Variants in PPP1R16B observed in about 807,000 individuals in gnomAD.
The protein encoded by PPP1R16B is protein phosphatase 1 regulatory inhibitor subunit 16B.
Under a neutral mutation model 61.7 loss-of-function variants are expected in PPP1R16B, and 14 were observed. The observed-to-expected ratio is 0.23, with a 90% confidence interval of 0.15 to 0.35. The LOEUF (loss-of-function observed/expected upper bound fraction) is 0.35, where lower values mean the gene tolerates loss of function less well. PPP1R16B is among the 10% of genes least tolerant of loss of function. The pLI is 1.00. For synonymous variants in PPP1R16B, 266 were observed against 305.3 expected, an observed-to-expected ratio of 0.87 and a Z score of 1.34; for missense variants, 547 against 752.5, an observed-to-expected ratio of 0.73 and a Z score of 3.19.
At chr20:38,883,507 G>A (rs979008778) in intron 2 of PPP1R16B, among the ~76,000 whole-genome samples, 48 of 152,232 alleles carry the variant, frequency 3.2e-4, no homozygotes, top group Non-Finnish European at 5.9e-4. Context: ...AGGTGTAGGC[G>A]GAGCAGCGGG....
intron 2 of PPP1R16B, among the ~76,000 whole-genome samples, chr20:38,836,526 CA>C: frequency 1.3e-5 from 2 of 151,880 alleles, no homozygotes; most frequent in East Asian, 1.9e-4. Context: ...CTAATTAAAA[CA>C]AAAAAAATTT....
chr20:38,886,042 C>T lies in PPP1R16B; in HGVS notation c.251-3553C>T, dbSNP rs12624599. ...CCACATGCCTTGGCATCCCAAAGTG[C>T]TGGAATTACAGGCATGAGCCACCGT... On this transcript the variant is annotated intron_variant, in intron 2 of 10. Transcript: ENST00000299824. 5.8e-4 allele frequency among the ~76,000 whole-genome samples: 88 copies of T among 152,308 alleles called. No individual in the cohort carries two copies. The East Asian group carries it at 0.016, about 27-fold the overall frequency.
intron 10 of PPP1R16B, among the ~76,000 whole-genome samples, chr20:38,916,838 T>C (rs2145788376): frequency 1.3e-5 from 2 of 152,114 alleles, no homozygotes; most frequent in East Asian, 4.0e-4. Context: ...AACGTATTTG[T>C]CAGTGTGATA....
At chr20:38,818,670 G>T (rs374925893) in intron 1 of PPP1R16B, among the ~76,000 whole-genome samples, 1 of 152,072 alleles carries the variant, frequency 6.6e-6, no homozygotes, top group Non-Finnish European at 1.5e-5. Flanking sequence ...CATAGCAAAG[G>T]CTCAGTTAAC....
intron 2 of PPP1R16B, among the ~76,000 whole-genome samples, chr20:38,867,913 T>A (rs1054815292): frequency 5.9e-5 from 9 of 152,210 alleles, no homozygotes; most frequent in African/African-American, 2.2e-4. Context: ...CCTCAGGTGA[T>A]CCGCCCATCT....
chr20:38,890,801 G>C (rs2085286734), intron 3 of PPP1R16B, among the ~76,000 whole-genome samples: 1 of 152,234 alleles, frequency 6.6e-6, no homozygotes, highest in Admixed American at 6.5e-5. Flanking sequence ...ACTTGAGTGA[G>C]AGGCCAGGCA....
intron 2 of PPP1R16B, among the ~76,000 whole-genome samples, chr20:38,868,470 T>C (rs1053998162): frequency 6.6e-6 from 1 of 151,872 alleles, no homozygotes; most frequent in African/African-American, 2.4e-5. Context: ...CTGCAATCTC[T>C]GTCTCCTGGG....
intron 2 of PPP1R16B, among the ~76,000 whole-genome samples, chr20:38,844,691 A>T (rs2084926697): frequency 6.6e-6 from 1 of 152,218 alleles, no homozygotes; most frequent in Non-Finnish European, 1.5e-5. Flanking sequence ...TTGATTGCAC[A>T]TACAAAACAA....
At chr20:38,895,362 C>A (rs376584312) in intron 3 of PPP1R16B, among the ~76,000 whole-genome samples, 67 of 150,762 alleles carry the variant, frequency 4.4e-4, no homozygotes, top group Non-Finnish European at 4.3e-4. Flanking sequence ...TTTTTACTCA[C>A]AAGGAGACTG....
At chr20:38,825,521 C>G (rs769481261) in intron 1 of PPP1R16B, among the ~76,000 whole-genome samples, 2 of 152,088 alleles carry the variant, frequency 1.3e-5, no homozygotes, top group Admixed American at 1.3e-4. Context: ...ATAGGGACTG[C>G]CCTCCTCTGC....
chr20:38,864,285 T>C (rs1432030444), intron 2 of PPP1R16B, among the ~76,000 whole-genome samples: 2 of 152,212 alleles, frequency 1.3e-5, no homozygotes, highest in Admixed American at 6.5e-5. Flanking sequence ...TGTACAACTT[T>C]GAATACAATT....
At chr20:38,861,552 C>T (rs907433596) in intron 2 of PPP1R16B, among the ~76,000 whole-genome samples, 6 of 152,164 alleles carry the variant, frequency 3.9e-5, no homozygotes, top group African/African-American at 1.2e-4. Flanking sequence ...AGGACCCTGA[C>T]CTGTCCGTTT....
chr20:38,917,932 A>T (rs2085555119), intron 10 of PPP1R16B, among the ~76,000 whole-genome samples: 1 of 152,196 alleles, frequency 6.6e-6, no homozygotes, highest in Admixed American at 6.5e-5. Flanking sequence ...TTGACTAGCT[A>T]GGCCTTGGGT....
chr20:38,894,807 C>T (rs746916231), intron 3 of PPP1R16B, among the ~76,000 whole-genome samples: 1 of 152,200 alleles, frequency 6.6e-6, no homozygotes, highest in Non-Finnish European at 1.5e-5. Context: ...TCCCTGGAGC[C>T]TGGGGGCCAC....
At chr20:38,897,107 T>C (rs2145769436) in intron 4 of PPP1R16B, among the ~76,000 whole-genome samples, 1 of 151,902 alleles carries the variant, frequency 6.6e-6, no homozygotes, top group Middle Eastern at 3.4e-3. Context: ...GATCATGCCA[T>C]TGCACTCCAG....
intron 2 of PPP1R16B, among the ~76,000 whole-genome samples, chr20:38,857,125 C>T (rs1210654376): frequency 1.3e-5 from 2 of 152,162 alleles, no homozygotes; most frequent in Admixed American, 6.5e-5. Context: ...CAGGGTGCAC[C>T]CACCACTGGC....
At chr20:38,873,180 G>A (rs2085141915) in intron 2 of PPP1R16B, 1 of 152,302 alleles carries the variant, frequency 6.6e-6, no homozygotes, top group Admixed American at 6.5e-5. Flanking sequence ...TGACAAATGT[G>A]GACGGTTCTC....
At chr20:38,878,685 A>G (rs1206783987) in intron 2 of PPP1R16B, among the ~76,000 whole-genome samples, 2 of 152,208 alleles carry the variant, frequency 1.3e-5, no homozygotes, top group African/African-American at 4.8e-5. Flanking sequence ...ATCTGGGATA[A>G]TACATGTAAC....
At chr20:38,911,356 C>T (rs1034724567) in intron 10 of PPP1R16B, among the ~76,000 whole-genome samples, 8 of 146,348 alleles carry the variant, frequency 5.5e-5, no homozygotes, top group African/African-American at 7.6e-5. Flanking sequence ...TCAGTAGAGA[C>T]GGGGTTTCAC....
Sources: allele counts gnomAD v4.1 joint callset (sites outside exome capture counted in the v4.1 genomes callset), GRCh38; gene constraint gnomAD v4.1.1; transcripts MANE v1.5; gene names NCBI Gene and HGNC (gene_info 2026-07-23, HGNC 2026-07-21).